Variants in KIAA1549 observed in about 807,000 individuals in gnomAD.
KIAA1549 encodes UPF0606 protein KIAA1549.
In KIAA1549, 70 loss-of-function variants were observed where a neutral mutation model predicts 156.4. That is an observed-to-expected ratio of 0.45 (90% CI 0.37 to 0.55). The LOEUF (loss-of-function observed/expected upper bound fraction) is 0.55, where lower values mean the gene tolerates loss of function less well. Among genes scored for constraint, KIAA1549 ranks in the 20% least tolerant of loss-of-function variants. The pLI, the probability that KIAA1549 is intolerant of heterozygous loss-of-function variation, is 0.00. For missense variants in KIAA1549, 2,428 were observed against 2,540.9 expected, an observed-to-expected ratio of 0.96 and a Z score of 0.96; for synonymous variants, 1,103 against 1,066.4, an observed-to-expected ratio of 1.03 and a Z score of -0.67.
rs936796950 is a variant in KIAA1549, at chr7:138,960,620, A to G, written c.187+20463T>C. ...CCACTGTGACCAGCCACAAAAATAA[A>G]AAAATTTTAAATACATGCTACAGTG... On this transcript the variant is annotated intron_variant, in intron 1 of 19. Transcript: ENST00000422774. Among the ~76,000 whole-genome samples, 4 of 152,152 alleles carry G rather than the reference A, an allele frequency of 2.6e-5. 1 individual carries two copies. Among genetic ancestry groups the G allele is most frequent in the Non-Finnish European group, 5.9e-5 (4 of 68,034 alleles).
intron 5 of KIAA1549, among the ~76,000 whole-genome samples, chr7:138,907,713 G>C (rs1037788768): frequency 2.0e-5 from 3 of 152,190 alleles, no homozygotes; most frequent in African/African-American, 4.8e-5. Flanking sequence ...AGAGGTGCTA[G>C]CAGCAGCCAG....
At chr7:138,855,944 A>G (rs1391000465) in intron 16 of KIAA1549, among the ~76,000 whole-genome samples, 1 of 152,036 alleles carries the variant, frequency 6.6e-6, no homozygotes. Flanking sequence ...GCCAACTACA[A>G]CCTGATTTTA....
chr7:138,969,988 T>C (rs895765458), intron 1 of KIAA1549, among the ~76,000 whole-genome samples: 9 of 152,256 alleles, frequency 5.9e-5, no homozygotes, highest in African/African-American at 2.2e-4. Context: ...CCAATTATAC[T>C]AGCTGTTTTT....
chr7:138,864,626 C>T (rs1047430902), intron 15 of KIAA1549, among the ~76,000 whole-genome samples: 5 of 152,150 alleles, frequency 3.3e-5, no homozygotes, highest in African/African-American at 9.7e-5. Context: ...TCACTGTTTA[C>T]GGATTTTGGT....
intron 12 of KIAA1549, among the ~76,000 whole-genome samples, chr7:138,873,474 CT>C (rs1482801002): frequency 6.6e-6 from 1 of 151,900 alleles, no homozygotes; most frequent in Non-Finnish European, 1.5e-5. Context: ...TTAACCCAGA[CT>C]TATAGAGTAA....
chr7:138,883,089 T>TAAAAAAAAAAAAAAAAAAAA lies in KIAA1549; in HGVS notation c.4033-1525_4033-1506dup, dbSNP rs1201752539. 1.1e-4 allele frequency among the ~76,000 whole-genome samples: 5 copies of TAAAAAAAAAAAAAAAAAAAA among 47,064 alleles called. 2 individuals carry two copies. Among genetic ancestry groups the TAAAAAAAAAAAAAAAAAAAA allele is most frequent in the African/African-American group, 4.3e-4 (5 of 11,540 alleles). 30.9% of individuals were successfully genotyped at this position (47,064 alleles called of 152,430 possible). A position where few individuals can be genotyped will look rare whatever the true frequency, so the allele number is the denominator to read the frequency against. On this transcript the variant is annotated intron_variant, in intron 10 of 19. Coordinates refer to ENST00000422774, the MANE Select transcript of KIAA1549 (RefSeq NM_001164665.2). ...CAACATGGTGAAACCCCATCTCCCC[T>TAAAAAAAAAAAAAAAAAAAA]AAAAAAAAAAAAAAAAAAAAAAAAA...
In KIAA1549 at chr7:138,917,659, G is replaced by A. The variant is rs1474266575; in HGVS notation, c.1967C>T (p.Ser656Phe). The A allele has an allele frequency of 1.9e-6, 3 of 1,612,794 alleles. No individual in the cohort carries two copies. Among genetic ancestry groups the A allele is most frequent in the Non-Finnish European group, 2.5e-6 (3 of 1,179,418 alleles). Residue 656 changes from serine to phenylalanine, a missense_variant, in exon 2 of 20, where the codon TCC becomes TTC. Physicochemically the swap from Ser to Phe is radical, Grantham distance 155. Coordinates refer to ENST00000422774, the MANE Select transcript of KIAA1549 (RefSeq NM_001164665.2). ...ASLSLMPSDL[S>F]PFTSQSFSPL... ...AGAAAAAGACTGAGATGTGAAGGGGGACAAGTCACTCGGCATCAGAGACAG... is the reference window on the plus strand; with the variant it reads ...AGAAAAAGACTGAGATGTGAAGGGGAACAAGTCACTCGGCATCAGAGACAG...
At chr7:138,928,773 T>G (rs1424702924) in intron 1 of KIAA1549, among the ~76,000 whole-genome samples, 1 of 152,204 alleles carries the variant, frequency 6.6e-6, no homozygotes, top group African/African-American at 2.4e-5. Flanking sequence ...AAAAAAACAA[T>G]GTACATCTCC....
chr7:138,972,880 G>A (rs915438249), intron 1 of KIAA1549, among the ~76,000 whole-genome samples: 1 of 152,124 alleles, frequency 6.6e-6, no homozygotes, highest in African/African-American at 2.4e-5. Flanking sequence ...GGAGTAAAGT[G>A]GCACAATCTC....
chr7:138,886,025 C>A (rs75140938), intron 10 of KIAA1549, among the ~76,000 whole-genome samples: 3,820 of 151,856 alleles, frequency 0.025, 75 homozygotes, highest in Non-Finnish European at 0.036. Context: ...AAGCCCCCCC[C>A]CAAATTCGGT....
chr7:138,936,627 T>A (rs886491638), intron 1 of KIAA1549, among the ~76,000 whole-genome samples: 4 of 152,050 alleles, frequency 2.6e-5, no homozygotes, highest in African/African-American at 9.7e-5. Flanking sequence ...GTTTCCTGGG[T>A]GGTGTCTTAA....
rs74351257 is a variant in KIAA1549 at position 138,837,069 on chromosome 7, G to T, written c.*837C>A. On this transcript the variant is annotated 3_prime_UTR_variant, in exon 20 of 20. Coordinates refer to ENST00000422774, the MANE Select transcript of KIAA1549 (RefSeq NM_001164665.2). ...CTGAACTGGGACATGACCAGGAGTT[G>T]TGTGTGCCCAATTAAGAAACAGCAA... is the stretch of plus-strand genomic sequence containing the variant. 5.7e-5 allele frequency: 13 copies of T among 228,808 alleles called. No homozygotes were observed. In the Admixed American group the frequency reaches 6.8e-4, roughly 12 times the overall value. The allele number at this position is 228,808 out of a possible 1,614,324, so 14.2% of individuals were successfully genotyped here.
intron 15 of KIAA1549, among the ~76,000 whole-genome samples, chr7:138,862,607 T>G (rs1311647796): frequency 3.3e-5 from 5 of 151,714 alleles, no homozygotes; most frequent in African/African-American, 1.2e-4. Context: ...GTCTTTAAAA[T>G]GAAGGTATCT....
Position 138,881,667 on chromosome 7 carries a change from G to T in KIAA1549, c.4033-83C>A, listed in dbSNP as rs1399345769. 4 of 1,222,906 alleles carry T rather than the reference G, an allele frequency of 3.3e-6. No individual in the cohort carries two copies. The South Asian group carries it at 4.6e-5, about 14-fold the overall frequency. The allele number at this position is 1,222,906 out of a possible 1,614,324, so 75.8% of individuals were successfully genotyped here. On this transcript the variant is annotated intron_variant, in intron 10 of 19. Coordinates refer to ENST00000422774, the MANE Select transcript of KIAA1549 (RefSeq NM_001164665.2). ...GGAGCACAACTTCTGACCCAAGACT[G>T]TGCTGGCAATTCCACAACTCCAATC...
chr7:138,901,527 T>C (rs1007207046), intron 8 of KIAA1549, among the ~76,000 whole-genome samples: 2 of 152,094 alleles, frequency 1.3e-5, no homozygotes, highest in Non-Finnish European at 2.9e-5. Context: ...GGTTTCACCA[T>C]GTTGGCCAGG....
intron 9 of KIAA1549, among the ~76,000 whole-genome samples, chr7:138,897,168 C>T (rs774022929): frequency 3.9e-5 from 6 of 152,160 alleles, no homozygotes; most frequent in Non-Finnish European, 8.8e-5. Context: ...GAGTAGGGCA[C>T]GTCTCCTACA....
intron 1 of KIAA1549, among the ~76,000 whole-genome samples, chr7:138,925,443 G>T (rs981713714): frequency 6.6e-6 from 1 of 152,096 alleles, no homozygotes; most frequent in Admixed American, 6.5e-5. Context: ...CTTCCCAGGG[G>T]CTGAAGGCTC....
In KIAA1549 at chr7:138,840,178, T is replaced by C; in HGVS notation, c.5553A>G (p.Pro1851=). ...PPSRGSQYGG[P]GWPSYGEDEA... is the part of the protein sequence containing the mutation. Reference sequence around the variant, plus strand: ...CGTCCTCCCCGTACGAAGGCCAGCCTGGCCCCCCATACTGGCTGCCTCTGC... The same window carrying C: ...CGTCCTCCCCGTACGAAGGCCAGCCCGGCCCCCCATACTGGCTGCCTCTGC... The change falls in exon 19 of 20, where the codon CCA becomes CCG. Residue 1851 remains proline (P), a synonymous_variant. Transcript: ENST00000422774. 6.4e-7 allele frequency: 1 copy of C among 1,560,920 alleles called. No individual in the cohort carries two copies. Among genetic ancestry groups the C allele is most frequent in the Non-Finnish European group, 8.7e-7 (1 of 1,152,194 alleles).
chr7:138,927,303 T>C (rs1482984508), intron 1 of KIAA1549, among the ~76,000 whole-genome samples: 1 of 152,194 alleles, frequency 6.6e-6, no homozygotes, highest in African/African-American at 2.4e-5. Flanking sequence ...ATATTTAAAG[T>C]GTGTGTTATG....
Sources: gnomAD v4.1 joint callset for allele counts (sites outside exome capture counted in the v4.1 genomes callset) on GRCh38, gnomAD v4.1.1 for gene constraint, MANE v1.5 for transcripts, NCBI Gene and HGNC (gene_info 2026-07-23, HGNC 2026-07-21) for gene names.